The following AOAH variants were observed in gnomAD, a reference collection of about 807,000 sequenced individuals.
The protein encoded by AOAH is acyloxyacyl hydrolase.
AOAH carries 64 observed loss-of-function variants against 92.2 expected under a neutral mutation model. That is an observed-to-expected ratio of 0.69 (90% CI 0.57 to 0.86). The LOEUF is 0.86. Among genes scored for constraint, AOAH ranks in the 40% least tolerant of loss-of-function variants. The probability of loss-of-function intolerance (pLI) is 0.00; values close to 1 mark genes in which losing one functional copy is unlikely to be tolerated. For missense variants in AOAH, 656 were observed against 694.6 expected (o/e 0.94, Z 0.62); for synonymous variants, 263 against 254.5 (o/e 1.03, Z -0.32).
At chr7:36,567,446 T>G (rs1403603995) in intron 13 of AOAH, among the ~76,000 whole-genome samples, 1 of 152,130 alleles carries the variant, frequency 6.6e-6, no homozygotes, top group African/African-American at 2.4e-5. Flanking sequence ...TAAAATGGAG[T>G]TGCTCTGTGA....
At chr7:36,657,630 G>T (rs1288810807) in intron 4 of AOAH, among the ~76,000 whole-genome samples, 1 of 152,154 alleles carries the variant, frequency 6.6e-6, no homozygotes, top group East Asian at 1.9e-4. Context: ...AAAGTGAAGG[G>T]GGCTGTCCAG....
At position 36,671,598 on chromosome 7, in the gene AOAH, C is replaced by T. The variant is rs73688269; in HGVS notation, c.290+2345G>A. Reference sequence around the variant, plus strand: ...CTGTATGAGTGTGCATGTGCTCATGCGTGTGTGTGTATGTGTGTGTGCGTG... The same window carrying T: ...CTGTATGAGTGTGCATGTGCTCATGTGTGTGTGTGTATGTGTGTGTGCGTG... On this transcript the variant is annotated intron_variant, in intron 3 of 20. Transcript: ENST00000617537. Among the ~76,000 whole-genome samples, 431 of 151,376 alleles carry T rather than the reference C, an allele frequency of 2.8e-3. 2 individuals are homozygous for T. The highest frequency in any genetic ancestry group is 1.0e-2 in the African/African-American group (410 of 41,186).
chr7:36,696,867 G>GAAA (rs35003639), intron 1 of AOAH, among the ~76,000 whole-genome samples: 36,694 of 149,820 alleles, frequency 0.24, 5,476 homozygotes, highest in South Asian at 0.46. Flanking sequence ...TACGTCTCCA[G>GAAA]AAACAAAAAA....
At chr7:36,632,659 T>A (rs1793208386) in intron 5 of AOAH, among the ~76,000 whole-genome samples, 1 of 152,160 alleles carries the variant, frequency 6.6e-6, no homozygotes. Flanking sequence ...TACCAAGCAG[T>A]GCTTTTAGAA....
intron 12 of AOAH, among the ~76,000 whole-genome samples, chr7:36,582,454 T>G (rs944501728): frequency 6.6e-6 from 1 of 152,182 alleles, no homozygotes; most frequent in African/African-American, 2.4e-5. Flanking sequence ...GAAAACACAC[T>G]GATTGGGTTT....
chr7:36,640,655 A>G (rs1285215211), intron 4 of AOAH, among the ~76,000 whole-genome samples: 1 of 152,150 alleles, frequency 6.6e-6, no homozygotes, highest in Non-Finnish European at 1.5e-5. Flanking sequence ...CCCCATGTTT[A>G]GGGATGGCAA....
chr7:36,517,227 TCTC>T lies in AOAH; in HGVS notation c.1600-3850_1600-3848del, dbSNP rs1562854102. On this transcript the variant is annotated intron_variant, in intron 20 of 20. Transcript: ENST00000617537. ...CTTTCTTTCTTTCTCTTTCTTTCTG[TCTC>T]TCTCTCTCTCTCTCTTTCTTTCTGT... is the stretch of plus-strand genomic sequence containing the variant. Among the ~76,000 whole-genome samples, 65 of 27,766 alleles carry T rather than the reference TCTC, an allele frequency of 2.3e-3. 1 individual carries two copies. The highest frequency in any genetic ancestry group is 4.5e-3 in the Non-Finnish European group (32 of 7,072). The allele number at this position is 27,766 out of a possible 152,430, so 18.2% of individuals were successfully genotyped here. A position where few individuals can be genotyped will look rare whatever the true frequency, so the allele number is the denominator to read the frequency against.
chr7:36,548,593 C>A lies in AOAH; in HGVS notation c.1133+19G>T. ...CCAGAGCCAAAGAATCTTGAAAATA[C>A]TTTTTCTCAATAACTCACCCACTGC... is the stretch of plus-strand genomic sequence containing the variant. On this transcript the variant is annotated intron_variant, in intron 15 of 20. Coordinates refer to ENST00000617537, the MANE Select transcript of AOAH (RefSeq NM_001637.4). 6.2e-7 allele frequency: 1 copy of A among 1,608,322 alleles called. No homozygotes were observed. Among genetic ancestry groups the A allele is most frequent in the Non-Finnish European group, 8.5e-7 (1 of 1,175,180 alleles).
At chr7:36,634,371 A>G (rs1242384164) in intron 5 of AOAH, among the ~76,000 whole-genome samples, 1 of 152,178 alleles carries the variant, frequency 6.6e-6, no homozygotes, top group African/African-American at 2.4e-5. Flanking sequence ...ATAGAAAAAC[A>G]CTGTGAAAAT....
intron 11 of AOAH, among the ~76,000 whole-genome samples, chr7:36,607,346 C>T (rs1009457838): frequency 6.6e-6 from 1 of 152,186 alleles, no homozygotes. Context: ...CTTGGTGCAG[C>T]AAAGGAATGG....
chr7:36,685,612 A>T (rs1796951311), intron 2 of AOAH, among the ~76,000 whole-genome samples: 1 of 152,210 alleles, frequency 6.6e-6, no homozygotes, highest in Non-Finnish European at 1.5e-5. Flanking sequence ...GTAAATATAA[A>T]ATCTGATGAG....
chr7:36,697,727 TA>T (rs935108540), intron 1 of AOAH, among the ~76,000 whole-genome samples: 1 of 152,188 alleles, frequency 6.6e-6, no homozygotes, highest in African/African-American at 2.4e-5. Flanking sequence ...GTGCTTTATA[TA>T]AAATAGGGTT....
intron 4 of AOAH, among the ~76,000 whole-genome samples, chr7:36,645,468 A>G (rs1038707412): frequency 6.6e-6 from 1 of 152,208 alleles, no homozygotes; most frequent in Non-Finnish European, 1.5e-5. Flanking sequence ...GATCAGAAAG[A>G]GCCAACAGAG....
At chr7:36,573,979 A>G (rs937877866) in intron 13 of AOAH, among the ~76,000 whole-genome samples, 5 of 152,208 alleles carry the variant, frequency 3.3e-5, no homozygotes, top group South Asian at 2.1e-4. Context: ...TATATCTAAT[A>G]AAAACCTTGG....
At chr7:36,681,536 G>T (rs1187409798) in intron 2 of AOAH, among the ~76,000 whole-genome samples, 5 of 152,146 alleles carry the variant, frequency 3.3e-5, no homozygotes, top group Non-Finnish European at 4.4e-5. Context: ...CTCTACAAAA[G>T]AAAAAGGAGT....
intron 13 of AOAH, among the ~76,000 whole-genome samples, chr7:36,561,066 G>C (rs1406472010): frequency 1.4e-5 from 2 of 146,746 alleles, no homozygotes; most frequent in African/African-American, 5.0e-5. Flanking sequence ...TTTTTGAGAC[G>C]GAGTCTCACT....
chr7:36,519,460 C>T (rs1232843310), intron 20 of AOAH, among the ~76,000 whole-genome samples: 2 of 152,184 alleles, frequency 1.3e-5, no homozygotes, highest in East Asian at 1.9e-4. Flanking sequence ...GATGGAGTTT[C>T]GCTCTTGTTG....
intron 20 of AOAH, 119 bp from the exon 21 acceptor site, chr7:36,513,499 C>T: frequency 2.1e-6 from 2 of 946,732 alleles, no homozygotes; most frequent in East Asian, 2.6e-5. Flanking sequence ...TGACTCCCAC[C>T]CCCATGTCTC....
chr7:36,626,389 C>T (rs1792666967), intron 6 of AOAH, among the ~76,000 whole-genome samples: 1 of 152,168 alleles, frequency 6.6e-6, no homozygotes, highest in South Asian at 2.1e-4. Flanking sequence ...ATTTATTAAC[C>T]TTTGTCTGCT....
Sources: allele counts gnomAD v4.1 joint callset (sites outside exome capture counted in the v4.1 genomes callset), GRCh38; gene constraint gnomAD v4.1.1; transcripts MANE v1.5; gene names NCBI Gene and HGNC (gene_info 2026-07-23, HGNC 2026-07-21).